Variants in MYO9A observed in about 807,000 individuals in gnomAD.
The protein encoded by MYO9A is myosin IXA, also known as unconventional myosin-IXa.
A neutral mutation model predicts 293.3 loss-of-function variants in MYO9A; 103 were observed. The ratio of observed to expected loss-of-function variants is 0.35; its 90% CI spans 0.30 to 0.41. The LOEUF (loss-of-function observed/expected upper bound fraction) is 0.41, where lower values mean the gene tolerates loss of function less well. Among genes scored for constraint, MYO9A ranks in the 10% least tolerant of loss-of-function variants. The pLI, the probability that MYO9A is intolerant of heterozygous loss-of-function variation, is 1.00. For missense variants in MYO9A, 2,685 were observed against 3,033.0 expected (o/e 0.89, Z 2.69); for synonymous variants, 1,001 against 1,035.7 (o/e 0.97, Z 0.64).
intron 41 of MYO9A, 121 bp downstream of exon 41, chr15:71,827,763 A>AGACTT: frequency 8.6e-7 from 1 of 1,160,394 alleles, no homozygotes; most frequent in Non-Finnish European, 1.2e-6. Flanking sequence ...AAATTCCTCA[A>AGACTT]GACTTTGTTA....
chr15:71,970,606 A>G (rs2075983980), intron 12 of MYO9A, among the ~76,000 whole-genome samples: 1 of 152,220 alleles, frequency 6.6e-6, no homozygotes, highest in African/African-American at 2.4e-5. Flanking sequence ...GTTAAAGCAC[A>G]GAAATTCTTT....
intron 1 of MYO9A, among the ~76,000 whole-genome samples, chr15:72,068,118 G>T (rs529542095): frequency 6.6e-6 from 1 of 151,944 alleles, no homozygotes; most frequent in Non-Finnish European, 1.5e-5. Flanking sequence ...CTATCAAATC[G>T]CCCTTCGACA....
chr15:71,859,808 G>A lies in MYO9A; in HGVS notation c.6092-12C>T. 6.2e-7 allele frequency: 1 copy of A among 1,610,774 alleles called. No individual in the cohort carries two copies. On this transcript the variant is annotated splice_polypyrimidine_tract_variant and intron_variant, in intron 33 of 41. Transcript: ENST00000356056. ...AGCATACTTGCATACTGAAAAATAGGTGAGGAATGCAACATTTTTAGAAGT... is the reference window on the plus strand; with the variant it reads ...AGCATACTTGCATACTGAAAAATAGATGAGGAATGCAACATTTTTAGAAGT...
chr15:71,925,162 T>TGTGTATATATACACATATATACAC (rs2058259905), intron 18 of MYO9A, among the ~76,000 whole-genome samples: 1 of 784 alleles, frequency 1.3e-3, no homozygotes, highest in South Asian at 0.17. Flanking sequence ...CATATATACA[T>TGTGTATATATACACATATATACAC]GTGTATATAT....
Position 71,833,548 on chromosome 15 carries a change from G to A in MYO9A, c.6838-3237C>T, listed in dbSNP as rs142750687. On this transcript the variant is annotated intron_variant, in intron 39 of 41. Coordinates refer to ENST00000356056, the MANE Select transcript of MYO9A (RefSeq NM_006901.4). ...GTACTGAGAGAACAAGTATGCACAC[G>A]CAATCAGAAATGATGTAAAACTGAA... Among the ~76,000 whole-genome samples the A allele has an allele frequency of 1.9e-3, 294 of 152,122 alleles. 4 individuals carry two copies. In the East Asian group the frequency reaches 0.026, roughly 13 times the overall value.
chr15:71,888,711 C>T (rs1386978128), intron 26 of MYO9A: 4 of 152,054 alleles, frequency 2.6e-5, no homozygotes, highest in African/African-American at 4.8e-5. Flanking sequence ...AAAATGTGTC[C>T]CTCTAAAGAC....
intron 26 of MYO9A, 85 bp downstream of exon 26, chr15:71,893,594 T>C (rs2057239441): frequency 9.6e-7 from 1 of 1,039,474 alleles, no homozygotes; most frequent in African/African-American, 1.6e-5. Flanking sequence ...GTAGATGAGG[T>C]GCTCTACCTA....
At chr15:72,035,001 GA>G (rs2149473812) in intron 2 of MYO9A, among the ~76,000 whole-genome samples, 1 of 152,292 alleles carries the variant, frequency 6.6e-6, no homozygotes, top group African/African-American at 2.4e-5. Context: ...AAATAAGCAT[GA>G]GAAAGCATGT....
At chr15:71,892,673 G>A (rs893680195) in intron 26 of MYO9A, 35 of 185,734 alleles carry the variant, frequency 1.9e-4, no homozygotes, top group African/African-American at 5.7e-4. Flanking sequence ...TTATCTGGCC[G>A]TTTACAGAAA....
chr15:71,877,808 T>C (rs2056740096), intron 31 of MYO9A, among the ~76,000 whole-genome samples: 1 of 152,210 alleles, frequency 6.6e-6, no homozygotes, highest in African/African-American at 2.4e-5. Flanking sequence ...CATTATGTTT[T>C]AACTCAGTGA....
intron 11 of MYO9A, among the ~76,000 whole-genome samples, chr15:71,983,260 T>C (rs191885681): frequency 6.6e-6 from 1 of 151,918 alleles, no homozygotes; most frequent in Non-Finnish European, 1.5e-5. Context: ...GTATTTTTTT[T>C]CAAGTTTTAT....
At chr15:71,947,366 G>A (rs549275564) in intron 15 of MYO9A, among the ~76,000 whole-genome samples, 57 of 151,336 alleles carry the variant, frequency 3.8e-4, no homozygotes, top group African/African-American at 1.3e-3. Context: ...CCTAGCTTAA[G>A]GTGAAAGCCT....
chr15:71,991,306 A>G (rs1040816933), intron 10 of MYO9A, 69 bp from the exon 11 acceptor site: 10 of 1,310,008 alleles, frequency 7.6e-6, no homozygotes, highest in South Asian at 5.9e-5. Flanking sequence ...TATCCACAAC[A>G]TAAGTAACAA....
intron 12 of MYO9A, among the ~76,000 whole-genome samples, chr15:71,970,691 G>A (rs770643509): frequency 1.3e-5 from 2 of 152,106 alleles, no homozygotes; most frequent in African/African-American, 2.4e-5. Context: ...ACAACAATAC[G>A]CTGACAGATG....
rs1056635351 is a variant in MYO9A at position 71,973,903 on chromosome 15, T to A, written c.1844+4268A>T. Among the ~76,000 whole-genome samples the A allele has an allele frequency of 2.6e-5, 4 of 152,264 alleles. No homozygotes were observed. The East Asian group carries it at 5.8e-4, about 22-fold the overall frequency. ...ATGCCAATAAGAACTGTTCTTTTTG[T>A]CAGCAAGAGAGTCTGAGACTTCCAA... On this transcript the variant is annotated intron_variant, in intron 12 of 41. Transcript: ENST00000356056.
intron 1 of MYO9A, among the ~76,000 whole-genome samples, chr15:72,064,276 A>G (rs1421133552): frequency 6.6e-6 from 1 of 152,224 alleles, no homozygotes; most frequent in East Asian, 1.9e-4. Flanking sequence ...ACGGTCAACA[A>G]TAATTTATTT....
intron 19 of MYO9A, among the ~76,000 whole-genome samples, chr15:71,915,967 C>T (rs1222406621): frequency 1.3e-5 from 2 of 151,816 alleles, no homozygotes; most frequent in Admixed American, 1.3e-4. Flanking sequence ...AAAATAAATA[C>T]ACAGGAAAAA....
intron 1 of MYO9A, among the ~76,000 whole-genome samples, chr15:72,082,847 C>T (rs1334003423): frequency 6.7e-6 from 1 of 149,704 alleles, no homozygotes; most frequent in Non-Finnish European, 1.5e-5. Flanking sequence ...ATATGTTGAA[C>T]CAACCTTGTA....
At chr15:71,908,729 G>A (rs965095233) in intron 19 of MYO9A, among the ~76,000 whole-genome samples, 10 of 152,126 alleles carry the variant, frequency 6.6e-5, no homozygotes, top group Admixed American at 6.5e-4. Flanking sequence ...TCTTGCATTA[G>A]TGTGTTATAT....
Sources: gnomAD v4.1 joint callset for allele counts (sites outside exome capture counted in the v4.1 genomes callset) on GRCh38, gnomAD v4.1.1 for gene constraint, MANE v1.5 for transcripts, NCBI Gene and HGNC (gene_info 2026-07-23, HGNC 2026-07-21) for gene names.